The following SNRNP200 variants were observed in gnomAD, a reference collection of about 807,000 sequenced individuals.
SNRNP200 encodes U5 small nuclear ribonucleoprotein 200 kDa helicase.
In SNRNP200, 66 loss-of-function variants were observed where a neutral mutation model predicts 255.2. The ratio of observed to expected loss-of-function variants is 0.26; its 90% CI spans 0.21 to 0.32. The LOEUF is 0.32. Among genes scored for constraint, SNRNP200 ranks in the 10% least tolerant of loss-of-function variants. SNRNP200 has a pLI of 1.00. For synonymous variants in SNRNP200, 939 were observed against 1,027.8 expected (o/e 0.91, Z 1.65); for missense variants, 1,585 against 2,749.8 (o/e 0.58, Z 9.47).
At chr2:96,298,161 C>A (rs919444953) in intron 9 of SNRNP200, 123 bp downstream of exon 9, 14 of 1,437,450 alleles carry the variant, frequency 9.7e-6, no homozygotes, top group Non-Finnish European at 1.4e-5. Flanking sequence ...CACTGATAAA[C>A]CCCAAAGAAT....
At position 96,287,939 on chromosome 2, in the gene SNRNP200, C is replaced by G; in HGVS notation, c.3289G>C (p.Glu1097Gln). The part of the protein sequence containing the change: ...SAGRLMRAIF[E>Q]IVLNRGWAQL... ...GCCCAACCTCGGTTCAGGACAATTTCAAATATCGCTCGCATCAACCGGCCA... is the reference window on the plus strand; with the variant it reads ...GCCCAACCTCGGTTCAGGACAATTTGAAATATCGCTCGCATCAACCGGCCA... Residue 1097 changes from glutamate (E) to glutamine (Q), a missense_variant, in exon 25 of 45, where the codon GAA becomes CAA. Around this residue, in one of 9 missense-constraint regions of SNRNP200, gnomAD observed 719 missense variants for 1,091.1 expected, o/e 0.66. Transcript: ENST00000323853. The surrounding 1 kb of genome is among the most constrained non-coding windows in gnomAD (Gnocchi z 5.7). 6.2e-7 allele frequency: 1 copy of G among 1,614,224 alleles called. No homozygotes were observed.
In SNRNP200 at chr2:96,281,931, T is replaced by C. The variant is rs746309906; in HGVS notation, c.4916-9A>G. The C allele has an allele frequency of 3.1e-6, 5 of 1,610,264 alleles. No homozygotes were observed. Among genetic ancestry groups the C allele is most frequent in the South Asian group, 1.1e-5 (1 of 90,948 alleles). On this transcript the variant is annotated splice_polypyrimidine_tract_variant and intron_variant, in intron 34 of 44. Transcript: ENST00000323853. ...CACCACCTGGATAGCCCCTGAGCAG[T>C]AGAGGGGAGAGGAAGGCTGAGGGCA...
chr2:96,293,549 G>A (rs774301171), intron 14 of SNRNP200, 40 bp from the exon 15 acceptor site: 1 of 1,566,210 alleles, frequency 6.4e-7, no homozygotes, highest in East Asian at 2.2e-5. Context: ...TAGCACTAGA[G>A]ATACATAGTC....
rs2104349736 is a variant in SNRNP200 at position 96,290,927 on chromosome 2, G to A, written c.2422-112C>T. ...AGCTTCTCTCAGGACTAGCCGGTAGGGCGCGTGGGGTCCCAGTACTTGTCA... is the reference window on the plus strand; with the variant it reads ...AGCTTCTCTCAGGACTAGCCGGTAGAGCGCGTGGGGTCCCAGTACTTGTCA... On this transcript the variant is annotated intron_variant, in intron 18 of 44. Transcript: ENST00000323853. This position sits in a 1 kb window ranked among gnomAD's most constrained non-coding sequence, Gnocchi z 4.5. 7.9e-7 allele frequency: 1 copy of A among 1,267,698 alleles called. No individual in the cohort carries two copies. Among genetic ancestry groups the A allele is most frequent in the South Asian group, 1.2e-5 (1 of 81,038 alleles). 78.5% of individuals were successfully genotyped at this position (1,267,698 alleles called of 1,614,324 possible). A position where few individuals can be genotyped will look rare whatever the true frequency, so the allele number is the denominator to read the frequency against.
intron 5 of SNRNP200, 111 bp downstream of exon 5, chr2:96,300,887 C>T (rs1212357067): frequency 1.1e-6 from 1 of 912,516 alleles, no homozygotes; most frequent in Non-Finnish European, 1.8e-6. Context: ...ACCCATACAA[C>T]ACCATAAAAT....
At chr2:96,304,504 G>A (rs1423572284) in intron 2 of SNRNP200, among the ~76,000 whole-genome samples, 1 of 152,142 alleles carries the variant, frequency 6.6e-6, no homozygotes. Flanking sequence ...TAAGAAAAAG[G>A]TACCAACAAG....
chr2:96,292,631 T>C (rs1015028672), intron 16 of SNRNP200, among the ~76,000 whole-genome samples: 1 of 152,204 alleles, frequency 6.6e-6, no homozygotes, highest in Admixed American at 6.5e-5. Flanking sequence ...TGGGGATTGC[T>C]TGCTGGGGGG....
At chr2:96,293,562 T>A in intron 14 of SNRNP200, 53 bp from the exon 15 acceptor site, 1 of 1,528,390 alleles carries the variant, frequency 6.5e-7, no homozygotes, top group Non-Finnish European at 9.0e-7. Context: ...ACATAGTCCC[T>A]TTTCCTGGAA....
chr2:96,277,721 C>G lies in SNRNP200; in HGVS notation c.5755-6G>C. 3.7e-6 allele frequency: 6 copies of G among 1,614,120 alleles called. No homozygotes were observed. Among genetic ancestry groups the G allele is most frequent in the Non-Finnish European group, 4.2e-6 (5 of 1,180,034 alleles). ...GCCTGGATGAGCCGGATTGCCTGAA[C>G]AGGAAAAGGAGTATAAAAGTGGGCG... is the stretch of plus-strand genomic sequence containing the variant. On this transcript the variant is annotated splice_polypyrimidine_tract_variant and splice_region_variant and intron_variant, in intron 40 of 44. Coordinates refer to ENST00000323853, the MANE Select transcript of SNRNP200 (RefSeq NM_014014.5). This position sits in a 1 kb window ranked among gnomAD's most constrained non-coding sequence, Gnocchi z 4.4.
At chr2:96,292,413 C>T (rs1341944579) in intron 16 of SNRNP200, among the ~76,000 whole-genome samples, 1 of 152,194 alleles carries the variant, frequency 6.6e-6, no homozygotes, top group African/African-American at 2.4e-5. Context: ...AAAAGAAATA[C>T]AAAACCAGTC....
intron 43 of SNRNP200, among the ~76,000 whole-genome samples, chr2:96,276,302 A>C (rs1275498135): frequency 6.6e-6 from 1 of 152,214 alleles, no homozygotes; most frequent in African/African-American, 2.4e-5. Context: ...AAGAAGAAAC[A>C]ACCAGGAAAG....
At position 96,291,925 on chromosome 2, in the gene SNRNP200, C is replaced by G; in HGVS notation, c.2161-25G>C. On this transcript the variant is annotated intron_variant, in intron 16 of 44. Coordinates refer to ENST00000323853, the MANE Select transcript of SNRNP200 (RefSeq NM_014014.5). This position sits in a 1 kb window ranked among gnomAD's most constrained non-coding sequence, Gnocchi z 4.2. ...CCTAAGGAGAAGCCACAGTTTGCTA[C>G]AGTCACGAGATACTCACAGCCCCAG... is the stretch of plus-strand genomic sequence containing the variant. The G allele has an allele frequency of 6.2e-7, 1 of 1,612,652 alleles. No individual in the cohort carries two copies. The highest frequency in any genetic ancestry group is 1.1e-5 in the South Asian group (1 of 91,082).
In SNRNP200 at chr2:96,289,242, G is replaced by A. The variant is rs146778360; in HGVS notation, c.3078C>T (p.Asn1026=). ...RVFSLSSEFK[N]ITVREEEKLE... The stretch of plus-strand genomic sequence containing the variant: ...ATAGGCTCACCTCTCTCACTGTGAT[G>A]TTCTTGAACTCAGAGGACAATGAGA... The change falls in exon 22 of 45, where the codon AAC becomes AAT. Residue 1026 remains asparagine, a synonymous_variant. Transcript: ENST00000323853. 8.1e-6 allele frequency: 13 copies of A among 1,614,106 alleles called. No homozygotes were observed. The African/African-American group carries it at 1.7e-4, about 22-fold the overall frequency.
Position 96,297,411 on chromosome 2 carries a change from T to C in SNRNP200, c.1329A>G (p.Glu443=), listed in dbSNP as rs1192928043. ...GCTTCAGAGCAGGCACATGCACCTC[T>C]TCATAGCCCTTACGCTGGCGACGGA... The part of the protein sequence containing the change: ...GSFRRQRKGY[E]EVHVPALKPK... The change falls in exon 11 of 45, where the codon GAA becomes GAG. Residue 443 remains glutamate (E), a synonymous_variant. Transcript: ENST00000323853. The C allele has an allele frequency of 6.2e-7, 1 of 1,614,072 alleles. No homozygotes were observed. The highest frequency in any genetic ancestry group is 1.3e-5 in the African/African-American group (1 of 74,942).
Position 96,290,577 on chromosome 2 carries a change from T to A in SNRNP200, c.2554-63A>T, listed in dbSNP as rs772176. 19 of 1,612,232 alleles carry A rather than the reference T, an allele frequency of 1.2e-5. No individual in the cohort carries two copies. The South Asian group carries it at 2.1e-4, about 18-fold the overall frequency. ...GAGAATGTCTGAATTTTGATGCAGGTATCTACATTACAGAACTAGACCTCT... is the reference window on the plus strand; with the variant it reads ...GAGAATGTCTGAATTTTGATGCAGGAATCTACATTACAGAACTAGACCTCT... On this transcript the variant is annotated intron_variant, in intron 19 of 44. Transcript: ENST00000323853. This position sits in a 1 kb window ranked among gnomAD's most constrained non-coding sequence, Gnocchi z 4.5.
At position 96,278,933 on chromosome 2, in the gene SNRNP200, A is replaced by C. The variant is rs1254954932; in HGVS notation, c.5199T>G (p.His1733Gln). ...PVESHLDHCMHDHFNAEIVTK... is the reference protein window; with the variant it reads ...PVESHLDHCMQDHFNAEIVTK... Reference sequence around the variant, plus strand: ...TGACGATCTCAGCATTGAAGTGGTCATGCATACAGTGGTCCAGGTGAGATT... The same window carrying C: ...TGACGATCTCAGCATTGAAGTGGTCCTGCATACAGTGGTCCAGGTGAGATT... Residue 1733 changes from histidine (H) to glutamine (Q), a missense_variant, in exon 37 of 45, where the codon CAT becomes CAG. By Grantham distance (24) the His-to-Gln change is conservative. Coordinates refer to ENST00000323853, the MANE Select transcript of SNRNP200 (RefSeq NM_014014.5). The surrounding 1 kb of genome is among the most constrained non-coding windows in gnomAD (Gnocchi z 6.9). 1 of 1,614,182 alleles carries C rather than the reference A, an allele frequency of 6.2e-7. No individual in the cohort carries two copies. Among genetic ancestry groups the C allele is most frequent in the Non-Finnish European group, 8.5e-7 (1 of 1,180,006 alleles).
chr2:96,305,105 T>G (rs2063979030), intron 1 of SNRNP200, among the ~76,000 whole-genome samples: 1 of 152,126 alleles, frequency 6.6e-6, no homozygotes, highest in Non-Finnish European at 1.5e-5. Context: ...ACAGCGCCCA[T>G]CATAACCCAC....
intron 34 of SNRNP200, chr2:96,282,771 G>T: frequency 3.4e-6 from 1 of 293,648 alleles, no homozygotes; most frequent in South Asian, 3.3e-5. Context: ...CCCAGAAGCA[G>T]ATAACACCAT....
chr2:96,291,822 T>A lies in SNRNP200; in HGVS notation c.2239A>T (p.Thr747Ser), dbSNP rs1261732119. Residue 747 changes from threonine (T) to serine (S), a missense_variant, in exon 17 of 45, where the codon ACT (threonine) becomes TCT (serine). Physicochemically the swap from Thr to Ser is moderately conservative, Grantham distance 58 (BLOSUM62 1). Transcript: ENST00000323853. This position sits in a 1 kb window ranked among gnomAD's most constrained non-coding sequence, Gnocchi z 4.2. Reference protein sequence around the residue: ...AIRDMCLEKDTLGLFLREGSA... With the variant: ...AIRDMCLEKDSLGLFLREGSA... ...CCCTCCCTCAGAAACAGACCCAGAG[T>A]GTCCTTTTCTAGGCACATGTCCCGG... 6.2e-7 allele frequency: 1 copy of A among 1,613,796 alleles called. No individual in the cohort carries two copies. Among genetic ancestry groups the A allele is most frequent in the African/African-American group, 1.3e-5 (1 of 74,826 alleles).
Sources: gnomAD v4.1 joint callset for allele counts (sites outside exome capture counted in the v4.1 genomes callset) on GRCh38, gnomAD v4.1.1 for gene constraint, gnomAD v4.1.1 regional missense constraint, Gnocchi (gnomAD v3.1) non-coding constraint, MANE v1.5 for transcripts, NCBI Gene and HGNC (gene_info 2026-07-23, HGNC 2026-07-21) for gene names.